Variants in PRKAA1 observed in about 807,000 individuals in gnomAD.
The protein encoded by PRKAA1 is 5'-AMP-activated protein kinase catalytic subunit alpha-1.
PRKAA1 carries 23 observed loss-of-function variants against 56.9 expected under a neutral mutation model. That is an observed-to-expected ratio of 0.40 (90% confidence interval 0.29 to 0.57). PRKAA1 has a LOEUF of 0.57. PRKAA1 is among the 20% of genes least tolerant of loss of function. The pLI is 0.39. For synonymous variants in PRKAA1, 226 were observed against 227.0 expected (o/e 1.00, Z 0.04); for missense variants, 413 against 679.7 (o/e 0.61, Z 4.36).
chr5:40,778,572 T>C (rs1173574177), intron 1 of PRKAA1, among the ~76,000 whole-genome samples: 2 of 152,074 alleles, frequency 1.3e-5, no homozygotes, highest in African/African-American at 4.8e-5. Flanking sequence ...GTATCATTTA[T>C]ATGGATATTA....
chr5:40,785,983 G>A (rs1032922211), intron 1 of PRKAA1, among the ~76,000 whole-genome samples: 5 of 152,124 alleles, frequency 3.3e-5, no homozygotes, highest in Admixed American at 1.3e-4. Context: ...GGCTGGGCAC[G>A]GTGGCTCACG....
At position 40,760,746 on chromosome 5, in the gene PRKAA1, C is replaced by T. The variant is rs1270386346; in HGVS notation, c.*2032G>A. ...GTGCTTGAGTCAAATCTACTAGAGT[C>T]ACCATTTATGCAAGCTATCATGACA... is the stretch of plus-strand genomic sequence containing the variant. On this transcript the variant is annotated 3_prime_UTR_variant, in exon 9 of 9. Transcript: ENST00000397128. 2 of 152,704 alleles carry T rather than the reference C, an allele frequency of 1.3e-5. No homozygotes were observed. The highest frequency in any genetic ancestry group is 6.5e-5 in the Admixed American group (1 of 15,268). 9.5% of individuals were successfully genotyped at this position (152,704 alleles called of 1,614,324 possible). A position where few individuals can be genotyped will look rare whatever the true frequency, so the allele number is the denominator to read the frequency against.
At position 40,786,250 on chromosome 5, in the gene PRKAA1, G is replaced by A. The variant is rs1388188912; in HGVS notation, c.128-8664C>T. Among the ~76,000 whole-genome samples the A allele has an allele frequency of 1.2e-3, 132 of 106,314 alleles. 1 individual carries two copies. Among genetic ancestry groups the A allele is most frequent in the East Asian group, 6.0e-3 (14 of 2,324 alleles). 69.7% of individuals were successfully genotyped at this position (106,314 alleles called of 152,430 possible). A position where few individuals can be genotyped will look rare whatever the true frequency, so the allele number is the denominator to read the frequency against. On this transcript the variant is annotated intron_variant, in intron 1 of 8. Coordinates refer to ENST00000397128, the MANE Select transcript of PRKAA1 (RefSeq NM_006251.6). Reference sequence around the variant, plus strand: ...ATTCTGGGTGACAGAGTGAGACTCCGTCTCAAAAAAAAAAAAAAAAGCAGC... The same window carrying A: ...ATTCTGGGTGACAGAGTGAGACTCCATCTCAAAAAAAAAAAAAAAAGCAGC...
chr5:40,797,057 T>C (rs1744957038), intron 1 of PRKAA1, among the ~76,000 whole-genome samples: 1 of 152,242 alleles, frequency 6.6e-6, no homozygotes, highest in African/African-American at 2.4e-5. Context: ...AGCAAGTTTA[T>C]TTCCAGAATA....
In PRKAA1 at chr5:40,774,777, C is replaced by A; in HGVS notation, c.363+633G>T. ...TTCAGGGCTAGCTACAGCTCTCCCA[C>A]AAAGGGGCTTTTGCATACCACATAA... On this transcript the variant is annotated intron_variant, in intron 3 of 8. Transcript: ENST00000397128. The A allele has an allele frequency of 5.5e-6, 3 of 548,436 alleles. No individual in the cohort carries two copies. In the East Asian group the frequency reaches 9.1e-5, roughly 17 times the overall value. The allele number at this position is 548,436 out of a possible 1,614,324, so 34.0% of individuals were successfully genotyped here.
intron 1 of PRKAA1, 102 bp downstream of exon 1, chr5:40,797,961 G>A: frequency 1.3e-6 from 2 of 1,525,224 alleles, no homozygotes; most frequent in East Asian, 2.6e-5. Context: ...CCCAGCCCTG[G>A]AAAGAAGGGA....
chr5:40,782,802 G>C (rs1744315549), intron 1 of PRKAA1, among the ~76,000 whole-genome samples: 2 of 152,048 alleles, frequency 1.3e-5, no homozygotes. Context: ...TTTAACTCAT[G>C]AGTAATACGG....
At chr5:40,773,603 T>C (rs779571128) in intron 3 of PRKAA1, among the ~76,000 whole-genome samples, 18 of 151,918 alleles carry the variant, frequency 1.2e-4, no homozygotes, top group Admixed American at 2.0e-4. Context: ...AGGATGACAA[T>C]AGATAAACAG....
chr5:40,775,332 G>T, intron 3 of PRKAA1, 78 bp downstream of exon 3: 1 of 1,090,334 alleles, frequency 9.2e-7, no homozygotes, highest in Non-Finnish European at 1.4e-6. Flanking sequence ...TCTTAAAATT[G>T]GTTGCTGACA....
chr5:40,796,730 A>T (rs1423849152), intron 1 of PRKAA1, among the ~76,000 whole-genome samples: 1 of 152,210 alleles, frequency 6.6e-6, no homozygotes, highest in African/African-American at 2.4e-5. Flanking sequence ...ATGGCAAGAG[A>T]AGGAAGCGTT....
At position 40,759,949 on chromosome 5, in the gene PRKAA1, A is replaced by G. The variant is rs1276312307; in HGVS notation, c.*2829T>C. The G allele has an allele frequency of 1.3e-5, 2 of 152,720 alleles. No individual in the cohort carries two copies. Among genetic ancestry groups the G allele is most frequent in the Non-Finnish European group, 2.9e-5 (2 of 68,038 alleles). 9.5% of individuals were successfully genotyped at this position (152,720 alleles called of 1,614,324 possible). A position where few individuals can be genotyped will look rare whatever the true frequency, so the allele number is the denominator to read the frequency against. On this transcript the variant is annotated 3_prime_UTR_variant, in exon 9 of 9. Coordinates refer to ENST00000397128, the MANE Select transcript of PRKAA1 (RefSeq NM_006251.6). ...TGAGAAATCATTTATTTTAATGGCA[A>G]AATTTTTACATATCAGTAAAATCTG... is the stretch of plus-strand genomic sequence containing the variant.
intron 1 of PRKAA1, among the ~76,000 whole-genome samples, chr5:40,788,248 G>T (rs1381874942): frequency 6.6e-6 from 1 of 151,824 alleles, no homozygotes; most frequent in Non-Finnish European, 1.5e-5. Context: ...TTTGACAAAG[G>T]TGCCAAGACT....
At chr5:40,787,406 G>C (rs966904021) in intron 1 of PRKAA1, among the ~76,000 whole-genome samples, 1 of 150,960 alleles carries the variant, frequency 6.6e-6, no homozygotes, top group Non-Finnish European at 1.5e-5. Flanking sequence ...TGGAGGTTGG[G>C]GTGAGCCAAG....
At chr5:40,766,991 C>G (rs1743488943) in intron 6 of PRKAA1, among the ~76,000 whole-genome samples, 1 of 152,026 alleles carries the variant, frequency 6.6e-6, no homozygotes, top group African/African-American at 2.4e-5. Flanking sequence ...GCACTCCAGG[C>G]TGGGTGACAG....
intron 3 of PRKAA1, among the ~76,000 whole-genome samples, chr5:40,772,490 A>C (rs1344248408): frequency 6.6e-6 from 1 of 152,176 alleles, no homozygotes; most frequent in African/African-American, 2.4e-5. Context: ...CCTAAAATAG[A>C]AGACATTTTA....
At chr5:40,770,137 G>A (rs1291621336) in intron 4 of PRKAA1, among the ~76,000 whole-genome samples, 2 of 152,104 alleles carry the variant, frequency 1.3e-5, no homozygotes, top group Non-Finnish European at 2.9e-5. Context: ...TAGATACATA[G>A]ATGTAGTCAA....
At chr5:40,764,453 G>A in intron 8 of PRKAA1, 61 bp downstream of exon 8, 1 of 1,470,080 alleles carries the variant, frequency 6.8e-7, no homozygotes, top group Non-Finnish European at 9.2e-7. Flanking sequence ...AAAGAATCAA[G>A]GCGTAAAATA....
chr5:40,795,290 T>TATAC, intron 1 of PRKAA1, among the ~76,000 whole-genome samples: 1 of 152,206 alleles, frequency 6.6e-6, no homozygotes, highest in Non-Finnish European at 1.5e-5. Context: ...TGATGCAATG[T>TATAC]ATACTGCTCA....
At chr5:40,770,000 T>G (rs1027817161) in intron 4 of PRKAA1, among the ~76,000 whole-genome samples, 1 of 150,900 alleles carries the variant, frequency 6.6e-6, no homozygotes, top group Non-Finnish European at 1.5e-5. Flanking sequence ...AACTGAGGAA[T>G]AAGAAATTCA....
Sources: gnomAD v4.1 joint callset for allele counts (sites outside exome capture counted in the v4.1 genomes callset) on GRCh38, gnomAD v4.1.1 for gene constraint, MANE v1.5 for transcripts, NCBI Gene and HGNC (gene_info 2026-07-23, HGNC 2026-07-21) for gene names.